Variants in ABCG2 observed in about 807,000 individuals in gnomAD.
The protein encoded by ABCG2 is ATP binding cassette subfamily G member 2 (JR blood group), also known as broad substrate specificity ATP-binding cassette transporter ABCG2.
Under a neutral mutation model 73.5 loss-of-function variants are expected in ABCG2, and 80 were observed. That is an observed-to-expected ratio of 1.09 (90% CI 0.91 to 1.31). The LOEUF is 1.31. ABCG2 is among the 50% of genes most tolerant of loss of function. ABCG2 has a pLI of 0.00. For synonymous variants in ABCG2, 269 were observed against 282.4 expected (o/e 0.95, Z 0.48); for missense variants, 796 against 786.2 (o/e 1.01, Z -0.15).
intron 1 of ABCG2, among the ~76,000 whole-genome samples, chr4:88,186,868 G>A (rs1235766993): frequency 2.1e-5 from 3 of 141,160 alleles, no homozygotes; most frequent in African/African-American, 8.0e-5. Flanking sequence ...GCAGTGAGCC[G>A]AGATCCCGCC....
intron 10 of ABCG2, among the ~76,000 whole-genome samples, chr4:88,102,846 G>GA (rs1184407837): frequency 1.3e-5 from 2 of 151,564 alleles, no homozygotes; most frequent in East Asian, 1.9e-4. Context: ...TACATTAAAA[G>GA]AAAAAAAAGA....
intron 1 of ABCG2, among the ~76,000 whole-genome samples, chr4:88,184,183 C>A (rs1239165401): frequency 6.6e-6 from 1 of 152,050 alleles, no homozygotes; most frequent in Non-Finnish European, 1.5e-5. Context: ...CACTGTTATT[C>A]AACATAGTAC....
chr4:88,112,925 C>G (rs1180848198), intron 9 of ABCG2, among the ~76,000 whole-genome samples: 5 of 151,762 alleles, frequency 3.3e-5, no homozygotes, highest in African/African-American at 1.2e-4. Flanking sequence ...GCCTGGGCAA[C>G]ACAGCGAAAC....
At chr4:88,174,841 C>T (rs1403545699) in intron 1 of ABCG2, among the ~76,000 whole-genome samples, 1 of 152,152 alleles carries the variant, frequency 6.6e-6, no homozygotes, top group African/African-American at 2.4e-5. Flanking sequence ...AGGTTTTCTC[C>T]TAGGGTTTTT....
At chr4:88,178,831 G>A (rs1278710072) in intron 1 of ABCG2, among the ~76,000 whole-genome samples, 1 of 152,082 alleles carries the variant, frequency 6.6e-6, no homozygotes, top group African/African-American at 2.4e-5. Context: ...TGAGAGGGAA[G>A]TGCAAAGGAC....
intron 6 of ABCG2, among the ~76,000 whole-genome samples, chr4:88,119,437 G>T (rs1723811852): frequency 6.6e-6 from 1 of 152,254 alleles, no homozygotes; most frequent in Admixed American, 6.5e-5. Flanking sequence ...GGCTGGAACA[G>T]TTTGGAGGGC....
At chr4:88,158,676 G>A (rs1727122356), upstream of ABCG2, 2 of 456,064 alleles carry the variant, frequency 4.4e-6, no homozygotes, top group South Asian at 3.1e-5. Context: ...CCTTTTGAGT[G>A]GGCACAGCAC....
At chr4:88,210,592 TTTC>T (rs1236317924) in intron 1 of ABCG2, among the ~76,000 whole-genome samples, 4 of 2,282 alleles carry the variant, frequency 1.8e-3, no homozygotes, top group Admixed American at 0.017. Flanking sequence ...TACTTTTTCT[TTTC>T]TTTTTTTTTT....
upstream of ABCG2, chr4:88,231,423 T>G (rs977172509): frequency 6.6e-6 from 1 of 152,212 alleles, no homozygotes; most frequent in African/African-American, 2.4e-5. Context: ...CTTCTGGCAT[T>G]CCTAGCAAGG....
At chr4:88,230,023 G>A (rs1178943186) in intron 1 of ABCG2, among the ~76,000 whole-genome samples, 2 of 123,604 alleles carry the variant, frequency 1.6e-5, no homozygotes, top group African/African-American at 2.8e-5. Flanking sequence ...ACAGAGTTTC[G>A]CTCTTGTCAC....
At chr4:88,130,120 A>C (rs1724742906) in intron 5 of ABCG2, among the ~76,000 whole-genome samples, 1 of 152,218 alleles carries the variant, frequency 6.6e-6, no homozygotes, top group African/African-American at 2.4e-5. Flanking sequence ...AAATTATAGG[A>C]AACTGAAACA....
rs577896977 is a variant in ABCG2, at chr4:88,105,110, G to T, written c.1277+2074C>A. Among the ~76,000 whole-genome samples the T allele has an allele frequency of 1.9e-4, 29 of 152,290 alleles. 1 individual carries two copies. Among genetic ancestry groups the T allele is most frequent in the Non-Finnish European group, 4.3e-4 (29 of 68,018 alleles). ...TAATCCAGATACCTCAGCCCTCAGG[G>T]AAAGTAAAAACAACAATGACATCAC... On this transcript the variant is annotated intron_variant, in intron 10 of 15. Coordinates refer to ENST00000237612, the MANE Select transcript of ABCG2 (RefSeq NM_004827.3).
chr4:88,149,059 T>A (rs1456096510), intron 1 of ABCG2, among the ~76,000 whole-genome samples: 1 of 151,912 alleles, frequency 6.6e-6, no homozygotes, highest in Non-Finnish European at 1.5e-5. Context: ...AAAATAAAAT[T>A]GAAAAATTAG....
At chr4:88,153,187 G>A (rs183860561) in intron 1 of ABCG2, among the ~76,000 whole-genome samples, 8,770 of 148,468 alleles carry the variant, frequency 0.059, 280 homozygotes, top group Middle Eastern at 0.071. Context: ...ATCAGCTGTG[G>A]TGGCTTGGAG....
intron 2 of ABCG2, among the ~76,000 whole-genome samples, chr4:88,137,300 T>C (rs1167735401): frequency 6.6e-6 from 1 of 152,180 alleles, no homozygotes; most frequent in African/African-American, 2.4e-5. Flanking sequence ...ATGATAGTGG[T>C]GGCTGACTCA....
chr4:88,180,003 G>A (rs943040214), intron 1 of ABCG2, among the ~76,000 whole-genome samples: 2 of 151,962 alleles, frequency 1.3e-5, no homozygotes, highest in African/African-American at 4.8e-5. Flanking sequence ...AGAGAGAGGG[G>A]GGTAGAAATT....
intron 1 of ABCG2, among the ~76,000 whole-genome samples, chr4:88,206,211 G>C (rs191610100): frequency 5.3e-5 from 8 of 152,180 alleles, no homozygotes; most frequent in Admixed American, 4.6e-4. Flanking sequence ...CCAGCATTTT[G>C]GGAGGCCAAG....
intron 9 of ABCG2, among the ~76,000 whole-genome samples, chr4:88,108,284 A>T (rs780083652): frequency 6.6e-6 from 1 of 152,110 alleles, no homozygotes; most frequent in Non-Finnish European, 1.5e-5. Context: ...GCAATTTGGG[A>T]GGCCGAGGGG....
intron 1 of ABCG2, among the ~76,000 whole-genome samples, chr4:88,158,169 C>T (rs1022197792): frequency 1.3e-5 from 2 of 152,188 alleles, no homozygotes; most frequent in African/African-American, 4.8e-5. Flanking sequence ...CACTATGGGA[C>T]CCAGAATCAG....
Sources: gnomAD v4.1 joint callset for allele counts (sites outside exome capture counted in the v4.1 genomes callset) on GRCh38, gnomAD v4.1.1 for gene constraint, MANE v1.5 for transcripts, NCBI Gene and HGNC (gene_info 2026-07-23, HGNC 2026-07-21) for gene names.